The following CLASRP variants were observed in gnomAD, a reference collection of about 807,000 sequenced individuals.
CLASRP encodes CLK4 associating serine/arginine rich protein.
In CLASRP, 52 loss-of-function variants were observed where a neutral mutation model predicts 99.9. The ratio of observed to expected loss-of-function variants is 0.52; its 90% confidence interval spans 0.42 to 0.66. CLASRP has a LOEUF of 0.66. Ranked by LOEUF, CLASRP falls within the 30% of genes least tolerant of loss-of-function variation. The pLI, the probability that CLASRP is intolerant of heterozygous loss-of-function variation, is 0.00. For synonymous variants in CLASRP, 379 were observed against 373.0 expected, an observed-to-expected ratio of 1.02 and a Z score of -0.18; for missense variants, 848 against 999.2, an observed-to-expected ratio of 0.85 and a Z score of 2.04.
intron 7 of CLASRP, 58 bp downstream of exon 7, chr19:45,057,956 C>T (rs1039239607): frequency 2.9e-5 from 47 of 1,603,930 alleles, no homozygotes; most frequent in Non-Finnish European, 3.6e-5. Context: ...TTCTGTGTCT[C>T]GTCCCTCACC....
At position 45,057,809 on chromosome 19, in the gene CLASRP, T is replaced by C. The variant is rs1600105210; in HGVS notation, c.524T>C (p.Val175Ala). The C allele has an allele frequency of 6.2e-7, 1 of 1,613,846 alleles. No individual in the cohort carries two copies. The highest frequency in any genetic ancestry group is 8.5e-7 in the Non-Finnish European group (1 of 1,179,882). The change falls in exon 7 of 21, where the codon GTA (valine) becomes GCA (alanine). Residue 175 changes from valine (V) to alanine (A), a missense_variant. Physicochemically the swap from Val to Ala is moderately conservative, Grantham distance 64. Coordinates refer to ENST00000221455, the MANE Select transcript of CLASRP (RefSeq NM_007056.3). The stretch of plus-strand genomic sequence containing the variant: ...TACGAGGACAGCACGGTGGCCGAGG[T>C]AGAGAAGGCGGCAGAAAAGCCAGAG... The part of the protein sequence containing the change: ...YTYEDSTVAE[V>A]EKAAEKPEEE...
chr19:45,068,600 C>T (rs1967153845), intron 16 of CLASRP, 120 bp downstream of exon 16: 4 of 769,224 alleles, frequency 5.2e-6, no homozygotes, highest in South Asian at 4.5e-5. Context: ...CACGCAGGCA[C>T]GGAGGTGCTC....
chr19:45,063,612 A>C (rs774879729), intron 11 of CLASRP, among the ~76,000 whole-genome samples: 1 of 151,096 alleles, frequency 6.6e-6, no homozygotes, highest in African/African-American at 2.4e-5. Context: ...ATGCTCGGCA[A>C]ATTTTTTTTG....
Position 45,046,623 on chromosome 19 carries a change from A to G in CLASRP, c.100-5448A>G, listed in dbSNP as rs58817795. Reference sequence around the variant, plus strand: ...CCAGGGCTATCTCAGTTACTGCCATACCCTAGCACAAGGTCTGCTTAACAG... The same window carrying G: ...CCAGGGCTATCTCAGTTACTGCCATGCCCTAGCACAAGGTCTGCTTAACAG... On this transcript the variant is annotated intron_variant, in intron 2 of 20. Transcript: ENST00000221455. Among the ~76,000 whole-genome samples the G allele has an allele frequency of 8.8e-3, 1,346 of 152,316 alleles. 21 individuals carry two copies. The highest frequency in any genetic ancestry group is 0.03 in the African/African-American group (1,266 of 41,564).
At chr19:45,046,219 C>T (rs946777834) in intron 2 of CLASRP, among the ~76,000 whole-genome samples, 6 of 152,070 alleles carry the variant, frequency 3.9e-5, no homozygotes, top group Admixed American at 3.3e-4. Context: ...AGTGAAGCTG[C>T]GGTAGATTGT....
At chr19:45,063,587 C>T (rs1409529456) in intron 11 of CLASRP, among the ~76,000 whole-genome samples, 1 of 151,614 alleles carries the variant, frequency 6.6e-6, no homozygotes, top group Admixed American at 6.6e-5. Context: ...GCTGGAATTA[C>T]AGGTGCGCGC....
chr19:45,069,328 C>G, intron 18 of CLASRP, 80 bp downstream of exon 18: 1 of 1,408,620 alleles, frequency 7.1e-7, no homozygotes, highest in South Asian at 1.2e-5. Context: ...CTGGCTCAAG[C>G]CCTGCCCAGC....
chr19:45,070,707 C>T, intron 20 of CLASRP, 96 bp from the exon 21 acceptor site: 1 of 1,321,650 alleles, frequency 7.6e-7, no homozygotes. Flanking sequence ...TCCTTCCCTC[C>T]ACAGACAAGT....
intron 15 of CLASRP, 99 bp from the exon 16 acceptor site, chr19:45,068,318 CCCA>C: frequency 1.6e-6 from 1 of 637,462 alleles, no homozygotes. Flanking sequence ...TTCTCCCCCC[CCCA>C]CCCCCCCCCC....
At position 45,068,011 on chromosome 19, in the gene CLASRP, C is replaced by T. The variant is rs1967132539; in HGVS notation, c.1668-4C>T. The stretch of plus-strand genomic sequence containing the variant: ...CCATGTCCTCTGGCCCTGCCCCCAC[C>T]CAGGACCGAACCTGCCGCTGGTAAA... On this transcript the variant is annotated splice_region_variant and splice_polypyrimidine_tract_variant and intron_variant, in intron 14 of 20. Transcript: ENST00000221455. 1 of 1,612,592 alleles carries T rather than the reference C, an allele frequency of 6.2e-7. No individual in the cohort carries two copies. Among genetic ancestry groups the T allele is most frequent in the Non-Finnish European group, 8.5e-7 (1 of 1,178,698 alleles).
intron 2 of CLASRP, among the ~76,000 whole-genome samples, chr19:45,048,024 G>A (rs1445185992): frequency 1.3e-5 from 2 of 151,646 alleles, no homozygotes; most frequent in East Asian, 1.9e-4. Flanking sequence ...GCAGTGAGCC[G>A]AGATCATGCC....
intron 11 of CLASRP, among the ~76,000 whole-genome samples, chr19:45,063,706 T>A (rs1966995852): frequency 6.6e-6 from 1 of 152,086 alleles, no homozygotes; most frequent in Non-Finnish European, 1.5e-5. Context: ...TGCCTCGGCC[T>A]CCCACAGTGC....
intron 2 of CLASRP, among the ~76,000 whole-genome samples, chr19:45,046,649 TTGAATGAATGAA>T (rs571848145): frequency 3.2e-4 from 48 of 152,216 alleles, no homozygotes; most frequent in African/African-American, 1.2e-3. Flanking sequence ...TGCTTAACAG[TTGAATGAATGAA>T]TGAATGAATG....
chr19:45,068,808 C>T (rs1357631721), intron 16 of CLASRP, among the ~76,000 whole-genome samples: 5 of 151,956 alleles, frequency 3.3e-5, no homozygotes, highest in Non-Finnish European at 4.4e-5. Flanking sequence ...ACCATTAACA[C>T]GGTGAAACCC....
intron 5 of CLASRP, among the ~76,000 whole-genome samples, chr19:45,055,805 C>G (rs985491399): frequency 2.0e-4 from 30 of 152,068 alleles, no homozygotes; most frequent in African/African-American, 6.8e-4. Flanking sequence ...TGCACTCCAG[C>G]CTGTGCAACA....
rs1308140809 is a variant in CLASRP at position 45,064,366 on chromosome 19, C to T, written c.1145C>T (p.Ser382Phe). The T allele has an allele frequency of 2.0e-6, 3 of 1,534,090 alleles. No homozygotes were observed. The highest frequency in any genetic ancestry group is 2.4e-5 in the East Asian group (1 of 40,818). Residue 382 changes from serine (S) to phenylalanine (F), a missense_variant, in exon 13 of 21, where the codon TCC (serine) becomes TTC (phenylalanine). Around this residue, in one of 8 missense-constraint regions of CLASRP, gnomAD observed 489 missense variants for 434.7 expected, o/e 1.12. Transcript: ENST00000221455. ...AGCCGCCGCTCCTCCTCCTCCTCCTCCTCCTCTTCTGCCTCGAGGACCTCC... is the reference window on the plus strand; with the variant it reads ...AGCCGCCGCTCCTCCTCCTCCTCCTTCTCCTCTTCTGCCTCGAGGACCTCC... ...SARRRSSSSS[S>F]SSSASRTSSS...
rs185465107 is a variant in CLASRP at position 45,054,060 on chromosome 19, G to A, written c.379+883G>A. Among the ~76,000 whole-genome samples the A allele has an allele frequency of 3.5e-4, 53 of 152,312 alleles. 1 individual carries two copies. In the South Asian group the frequency reaches 4.3e-3, roughly 12 times the overall value. On this transcript the variant is annotated intron_variant, in intron 5 of 20. Coordinates refer to ENST00000221455, the MANE Select transcript of CLASRP (RefSeq NM_007056.3). ...TTGCCAAGTGTTCATGTATGTCCAGGAATTTTCTCCCAGCCCAGCCTTATC... is the reference window on the plus strand; with the variant it reads ...TTGCCAAGTGTTCATGTATGTCCAGAAATTTTCTCCCAGCCCAGCCTTATC...
rs1967110575 is a variant in CLASRP at position 45,067,382 on chromosome 19, C to T, written c.1455C>T (p.Gly485=). 3.9e-6 allele frequency: 6 copies of T among 1,532,342 alleles called. No individual in the cohort carries two copies. The highest frequency in any genetic ancestry group is 1.4e-5 in the African/African-American group (1 of 72,830). 94.9% of individuals were successfully genotyped at this position (1,532,342 alleles called of 1,614,324 possible). ...SGDRYRRGGR[G]LRHHSSSRSR... ...ACCGCTACAGGCGGGGCGGCCGGGG[C>T]CTCAGGCACCACAGCAGTAGCCGCA... The change falls in exon 14 of 21, where the codon GGC becomes GGT. Residue 485 remains glycine, a synonymous_variant. Transcript: ENST00000221455. The surrounding 1 kb of genome is among the most constrained non-coding windows in gnomAD (Gnocchi z 4.9).
intron 7 of CLASRP, chr19:45,058,399 A>G (rs1972162890): frequency 6.4e-6 from 1 of 155,336 alleles, no homozygotes; most frequent in Non-Finnish European, 1.4e-5. Flanking sequence ...TTATTTATTT[A>G]TTTTTGAGAT....
Sources: allele counts gnomAD v4.1 joint callset (sites outside exome capture counted in the v4.1 genomes callset), GRCh38; gene constraint gnomAD v4.1.1; regional missense constraint gnomAD v4.1.1; non-coding constraint Gnocchi (gnomAD v3.1); transcripts MANE v1.5; gene names NCBI Gene and HGNC (gene_info 2026-07-23, HGNC 2026-07-21).